The following CIB4 variants were observed in gnomAD, a reference collection of about 807,000 sequenced individuals.
The protein encoded by CIB4 is calcium and integrin-binding family member 4.
CIB4 carries 25 observed loss-of-function variants against 25.8 expected under a neutral mutation model. The observed-to-expected ratio is 0.97, with a 90% CI of 0.71 to 1.35. CIB4 has a LOEUF of 1.35. Ranked by LOEUF, CIB4 falls within the 40% of genes most tolerant of loss-of-function variation. The pLI, the probability that CIB4 is intolerant of heterozygous loss-of-function variation, is 0.00. For missense variants in CIB4, 235 were observed against 228.2 expected, an observed-to-expected ratio of 1.03 and a Z score of -0.19; for synonymous variants, 75 against 81.4, an observed-to-expected ratio of 0.92 and a Z score of 0.42.
intron 3 of CIB4, among the ~76,000 whole-genome samples, chr2:26,604,544 C>A (rs1668853421): frequency 6.6e-6 from 1 of 152,100 alleles, no homozygotes; most frequent in Non-Finnish European, 1.5e-5. Context: ...AGAAAAAAGT[C>A]TCTTATTCTA....
chr2:26,612,529 C>G (rs1554902), intron 3 of CIB4, among the ~76,000 whole-genome samples: 1 of 151,982 alleles, frequency 6.6e-6, no homozygotes, highest in Non-Finnish European at 1.5e-5. Flanking sequence ...CCTCCCTCCC[C>G]TCCCAGGGTC....
chr2:26,614,419 G>A (rs930607023), intron 3 of CIB4, among the ~76,000 whole-genome samples: 9 of 152,180 alleles, frequency 5.9e-5, no homozygotes, highest in Non-Finnish European at 1.3e-4. Flanking sequence ...ATTCAGGCAC[G>A]AGCAATACTT....
intron 4 of CIB4, among the ~76,000 whole-genome samples, chr2:26,586,466 C>T (rs1251127234): frequency 1.3e-5 from 2 of 152,198 alleles, no homozygotes; most frequent in African/African-American, 4.8e-5. Context: ...TCACAGAATA[C>T]TCCCCAACAC....
chr2:26,614,097 C>T (rs13387122), intron 3 of CIB4, among the ~76,000 whole-genome samples: 1 of 152,216 alleles, frequency 6.6e-6, no homozygotes, highest in Non-Finnish European at 1.5e-5. Context: ...TGGCCAGCAC[C>T]TCATTAGGAG....
At chr2:26,596,683 G>C (rs1668689024) in intron 3 of CIB4, among the ~76,000 whole-genome samples, 1 of 152,016 alleles carries the variant, frequency 6.6e-6, no homozygotes, top group African/African-American at 2.4e-5. Context: ...GGAGGCAGGG[G>C]CTGCAGTGAG....
At chr2:26,601,217 C>CAAAAAAAAAAAAAA (rs142951418) in intron 3 of CIB4, among the ~76,000 whole-genome samples, 2 of 23,712 alleles carry the variant, frequency 8.4e-5, no homozygotes, top group African/African-American at 1.8e-4. Context: ...GAGACCATGT[C>CAAAAAAAAAAAAAA]AAAAAAAAAA....
In CIB4 at chr2:26,595,292, C is replaced by A. The variant is rs763357557; in HGVS notation, c.212G>T (p.Cys71Phe). ...CATGCCTTTGTGGGAGAACACTCTG[C>A]AGATACGGTCTCTGAAAGGGTTGAC... ...LRVNPFRDRI[C>F]RVFSHKGMFS... Residue 71 changes from cysteine (C) to phenylalanine (F), a missense_variant, in exon 4 of 7, where the codon TGC (cysteine) becomes TTC (phenylalanine). Cys to Phe is a radical substitution (Grantham distance 205). Coordinates refer to ENST00000288861, the MANE Select transcript of CIB4 (RefSeq NM_001029881.3). 2 of 1,613,870 alleles carry A rather than the reference C, an allele frequency of 1.2e-6. No individual in the cohort carries two copies. Among genetic ancestry groups the A allele is most frequent in the Non-Finnish European group, 1.7e-6 (2 of 1,179,890 alleles).
At chr2:26,589,104 CTTCCTCTTCTTCT>C (rs1668530850) in intron 4 of CIB4, among the ~76,000 whole-genome samples, 1 of 109,968 alleles carries the variant, frequency 9.1e-6, no homozygotes, top group African/African-American at 4.4e-5. Context: ...TCTTCTTCTT[CTTCCTCTTCTTCT>C]TCTTCTTCTT....
intron 4 of CIB4, among the ~76,000 whole-genome samples, chr2:26,586,589 G>A (rs1668457863): frequency 6.6e-6 from 1 of 152,202 alleles, no homozygotes; most frequent in Non-Finnish European, 1.5e-5. Flanking sequence ...AACAATGCCT[G>A]GGACAGAGTA....
chr2:26,631,429 G>T (rs962840945), intron 2 of CIB4, among the ~76,000 whole-genome samples: 1 of 152,144 alleles, frequency 6.6e-6, no homozygotes, highest in Non-Finnish European at 1.5e-5. Flanking sequence ...AGCTGTGATC[G>T]CACTACTGCA....
At chr2:26,593,822 G>A (rs1253377246) in intron 4 of CIB4, among the ~76,000 whole-genome samples, 2 of 152,194 alleles carry the variant, frequency 1.3e-5, no homozygotes, top group Non-Finnish European at 2.9e-5. Context: ...TTTATCCTTA[G>A]CTGAGCTGCT....
At position 26,595,156 on chromosome 2, in the gene CIB4, C is replaced by T. The variant is rs1668656240; in HGVS notation, c.328+20G>A. The T allele has an allele frequency of 6.3e-7, 1 of 1,596,342 alleles. No individual in the cohort carries two copies. The highest frequency in any genetic ancestry group is 8.6e-7 in the Non-Finnish European group (1 of 1,165,308). On this transcript the variant is annotated intron_variant, in intron 4 of 6. Transcript: ENST00000288861. ...TATGGCCTTTCCACCCCTCACCCCTCAGTCCCCCACAGCACCTACCATAGA... is the reference window on the plus strand; with the variant it reads ...TATGGCCTTTCCACCCCTCACCCCTTAGTCCCCCACAGCACCTACCATAGA...
At chr2:26,637,733 G>C (rs986489229) in intron 2 of CIB4, among the ~76,000 whole-genome samples, 2 of 152,060 alleles carry the variant, frequency 1.3e-5, no homozygotes, top group African/African-American at 2.4e-5. Flanking sequence ...TGCCTTCGCT[G>C]GTCCTCTTCC....
intron 3 of CIB4, chr2:26,623,526 G>A (rs150326547): frequency 1.5e-5 from 7 of 471,476 alleles, no homozygotes; most frequent in African/African-American, 1.2e-4. Context: ...TTCTAAGCAG[G>A]ACTCAGAAAG....
intron 3 of CIB4, among the ~76,000 whole-genome samples, chr2:26,610,536 C>T (rs1047484395): frequency 2.8e-4 from 42 of 152,196 alleles, no homozygotes; most frequent in Admixed American, 2.7e-3. Context: ...GGGGACTTTG[C>T]CCCAATAGTA....
intron 4 of CIB4, among the ~76,000 whole-genome samples, chr2:26,589,177 T>A (rs1289035845): frequency 7.2e-6 from 1 of 139,160 alleles, no homozygotes; most frequent in Admixed American, 7.1e-5. Context: ...CTTCTCCTTC[T>A]TCCTCTTCCT....
chr2:26,608,843 A>G (rs554068084), intron 3 of CIB4, among the ~76,000 whole-genome samples: 2 of 152,142 alleles, frequency 1.3e-5, no homozygotes, highest in South Asian at 4.2e-4. Flanking sequence ...GGCATAGCAC[A>G]TCACCCCCAC....
chr2:26,603,706 A>G (rs1668836338), intron 3 of CIB4, among the ~76,000 whole-genome samples: 1 of 152,196 alleles, frequency 6.6e-6, no homozygotes, highest in Non-Finnish European at 1.5e-5. Context: ...CAGTAGAAAA[A>G]TCAGCTAAAG....
intron 3 of CIB4, among the ~76,000 whole-genome samples, chr2:26,608,239 C>CAA (rs34295840): frequency 5.5e-4 from 68 of 123,552 alleles, no homozygotes; most frequent in Middle Eastern, 4.2e-3. Context: ...GACTCTGTCT[C>CAA]AAAAAAAAAA....
Sources: allele counts gnomAD v4.1 joint callset (sites outside exome capture counted in the v4.1 genomes callset), GRCh38; gene constraint gnomAD v4.1.1; transcripts MANE v1.5; gene names NCBI Gene and HGNC (gene_info 2026-07-23, HGNC 2026-07-21).